The following ST8SIA6 variants were observed in gnomAD, a reference collection of about 807,000 sequenced individuals.
ST8SIA6 encodes the protein ST8 alpha-N-acetyl-neuraminide alpha-2,8-sialyltransferase 6.
In ST8SIA6, 39 loss-of-function variants were observed where a neutral mutation model predicts 33.6. That is an observed-to-expected ratio of 1.16 (90% CI 0.90 to 1.52). The LOEUF (loss-of-function observed/expected upper bound fraction) is 1.52, where lower values mean the gene tolerates loss of function less well. Among genes scored for constraint, ST8SIA6 ranks in the 40% most tolerant of loss-of-function variants. The probability of loss-of-function intolerance (pLI) is 0.00; values close to 1 mark genes in which losing one functional copy is unlikely to be tolerated. For missense variants in ST8SIA6, 441 were observed against 443.8 expected (o/e 0.99, Z 0.06); for synonymous variants, 172 against 167.2 (o/e 1.03, Z -0.22).
intron 4 of ST8SIA6, among the ~76,000 whole-genome samples, chr10:17,345,626 C>A (rs150892010): frequency 6.6e-6 from 1 of 152,218 alleles, no homozygotes; most frequent in African/African-American, 2.4e-5. Flanking sequence ...TGTGGCTTGG[C>A]AGATGGAGAA....
intron 2 of ST8SIA6, among the ~76,000 whole-genome samples, chr10:17,421,901 C>T (rs1300186064): frequency 1.3e-5 from 2 of 152,114 alleles, no homozygotes; most frequent in Non-Finnish European, 2.9e-5. Context: ...CGATATTTTC[C>T]ATGGGTACGC....
In ST8SIA6 at chr10:17,428,167, A is replaced by G. The variant is rs116972078; in HGVS notation, c.200+25392T>C. ...CCCATTTCTTTAAATGCTATCGCAT[A>G]AAACCTGGAACATGTATTCCATAGG... On this transcript the variant is annotated intron_variant, in intron 2 of 7. Transcript: ENST00000377602. 1.9e-4 allele frequency among the ~76,000 whole-genome samples: 29 copies of G among 152,364 alleles called. No homozygotes were observed. In the East Asian group the frequency reaches 4.8e-3, roughly 25 times the overall value.
At chr10:17,397,798 T>C (rs995123716) in intron 2 of ST8SIA6, among the ~76,000 whole-genome samples, 10 of 152,144 alleles carry the variant, frequency 6.6e-5, no homozygotes, top group African/African-American at 2.4e-4. Context: ...CATGTTTTCA[T>C]CACTTCAGTA....
chr10:17,453,740 T>A, intron 1 of ST8SIA6, 83 bp from the exon 2 acceptor site: 2 of 1,091,422 alleles, frequency 1.8e-6, no homozygotes, highest in Non-Finnish European at 2.4e-6. Context: ...GCTCCTTGCC[T>A]GGCAGGGAGA....
chr10:17,347,504 GAAA>G (rs148645517), intron 4 of ST8SIA6, among the ~76,000 whole-genome samples: 2 of 146,802 alleles, frequency 1.4e-5, no homozygotes, highest in Non-Finnish European at 3.0e-5. Flanking sequence ...GACTTGTAAA[GAAA>G]AAAAAAACGG....
chr10:17,416,168 A>G (rs1041262740), intron 2 of ST8SIA6, among the ~76,000 whole-genome samples: 1 of 151,976 alleles, frequency 6.6e-6, no homozygotes, highest in Non-Finnish European at 1.5e-5. Context: ...CTCTTCCCTG[A>G]AAACCACATC....
intron 3 of ST8SIA6, among the ~76,000 whole-genome samples, chr10:17,359,813 T>A (rs1849324639): frequency 6.6e-6 from 1 of 152,096 alleles, no homozygotes; most frequent in South Asian, 2.1e-4. Context: ...AATTTGCACA[T>A]GTCATAAGCC....
In ST8SIA6 at chr10:17,454,468, G is replaced by T; in HGVS notation, c.-213C>A. The T allele has an allele frequency of 6.4e-6, 1 of 156,260 alleles. No individual in the cohort carries two copies. The highest frequency in any genetic ancestry group is 1.9e-4 in the South Asian group (1 of 5,160). The allele number at this position is 156,260 out of a possible 1,614,324, so 9.7% of individuals were successfully genotyped here. A position where few individuals can be genotyped will look rare whatever the true frequency, so the allele number is the denominator to read the frequency against. On this transcript the variant is annotated 5_prime_UTR_variant, in exon 1 of 8. Coordinates refer to ENST00000377602, the MANE Select transcript of ST8SIA6 (RefSeq NM_001004470.3). The surrounding 1 kb of genome is among the most constrained non-coding windows in gnomAD (Gnocchi z 4.1). ...AAGAAGCCGCGTTCGGGCTCGCCCC[G>T]GGCTCCCGGCCCCGGCCCGCGGAGC...
intron 4 of ST8SIA6, among the ~76,000 whole-genome samples, chr10:17,353,187 T>G (rs1166837735): frequency 6.7e-6 from 1 of 148,382 alleles, no homozygotes; most frequent in Non-Finnish European, 1.5e-5. Context: ...AATGAAAAAG[T>G]GTAAGCTCAC....
intron 3 of ST8SIA6, among the ~76,000 whole-genome samples, chr10:17,363,467 G>A (rs1252125280): frequency 2.0e-5 from 3 of 152,190 alleles, no homozygotes; most frequent in South Asian, 2.1e-4. Context: ...TAGTAGTGAT[G>A]TAACCTCTGC....
chr10:17,448,782 ATTTTTTTTTTT>A (rs753562099), intron 2 of ST8SIA6, among the ~76,000 whole-genome samples: 1 of 123,554 alleles, frequency 8.1e-6, no homozygotes, highest in Admixed American at 8.6e-5. Flanking sequence ...CGCCAGGCTA[ATTTTTTTTTTT>A]TTTTTTTTTT....
At chr10:17,335,626 A>C (rs376820708) in intron 4 of ST8SIA6, among the ~76,000 whole-genome samples, 2 of 152,188 alleles carry the variant, frequency 1.3e-5, no homozygotes, top group African/African-American at 4.8e-5. Flanking sequence ...CCTACCATTC[A>C]AAAAAGATGG....
At chr10:17,370,204 C>A (rs916984669) in intron 3 of ST8SIA6, among the ~76,000 whole-genome samples, 1 of 152,048 alleles carries the variant, frequency 6.6e-6, no homozygotes, top group African/African-American at 2.4e-5. Flanking sequence ...AGGATGGTTT[C>A]GATCTCCTGA....
At chr10:17,378,894 A>G (rs1297895429) in intron 3 of ST8SIA6, among the ~76,000 whole-genome samples, 1 of 152,160 alleles carries the variant, frequency 6.6e-6, no homozygotes, top group Non-Finnish European at 1.5e-5. Flanking sequence ...TGGGAGGTCA[A>G]GGCGGGCGGA....
At chr10:17,449,772 T>A (rs1256848734) in intron 2 of ST8SIA6, among the ~76,000 whole-genome samples, 1 of 152,058 alleles carries the variant, frequency 6.6e-6, no homozygotes, top group East Asian at 1.9e-4. Context: ...AGCCTGCAAA[T>A]TTCTGGAACT....
At position 17,334,517 on chromosome 10, in the gene ST8SIA6, C is replaced by T. The variant is rs567868242; in HGVS notation, c.378-2965G>A. Reference sequence around the variant, plus strand: ...TAGCGCCACTGCACTCCAGCCTGGGCGACAGAGCGAGACTCCGTTTCAAAA... The same window carrying T: ...TAGCGCCACTGCACTCCAGCCTGGGTGACAGAGCGAGACTCCGTTTCAAAA... On this transcript the variant is annotated intron_variant, in intron 4 of 7. Transcript: ENST00000377602. Among the ~76,000 whole-genome samples the T allele has an allele frequency of 4.5e-4, 65 of 145,798 alleles. 1 individual carries two copies. Among genetic ancestry groups the T allele is most frequent in the South Asian group, 3.9e-3 (18 of 4,598 alleles).
rs751411860 is a variant in ST8SIA6, at chr10:17,385,998, C to T, written c.290+4533G>A. On this transcript the variant is annotated intron_variant, in intron 3 of 7. Coordinates refer to ENST00000377602, the MANE Select transcript of ST8SIA6 (RefSeq NM_001004470.3). ...AGGGTTTTGAGACCAACCTGGGCAA[C>T]AAAGAAAGACCCCATCTCTACAAAA... 3.1e-4 allele frequency among the ~76,000 whole-genome samples: 47 copies of T among 152,170 alleles called. 1 individual carries two copies. Among genetic ancestry groups the T allele is most frequent in the Admixed American group, 8.5e-4 (13 of 15,286 alleles).
At chr10:17,403,168 T>C (rs568191124) in intron 2 of ST8SIA6, among the ~76,000 whole-genome samples, 1 of 152,330 alleles carries the variant, frequency 6.6e-6, no homozygotes. Context: ...CGTGAGTCCT[T>C]TGGGCAGTCA....
At chr10:17,359,770 G>A in intron 3 of ST8SIA6, among the ~76,000 whole-genome samples, 170 bp from the exon 4 acceptor site, 1 of 151,992 alleles carries the variant, frequency 6.6e-6, no homozygotes, top group East Asian at 1.9e-4. Flanking sequence ...AATACAATTT[G>A]TAAATGATTA....
Sources: allele counts gnomAD v4.1 joint callset (sites outside exome capture counted in the v4.1 genomes callset), GRCh38; gene constraint gnomAD v4.1.1; non-coding constraint Gnocchi (gnomAD v3.1); transcripts MANE v1.5; gene names NCBI Gene and HGNC (gene_info 2026-07-23, HGNC 2026-07-21).